Variants in TLR5 observed in about 807,000 individuals in gnomAD.
TLR5 encodes the protein toll like receptor 5, also known as toll-like receptor 5.
For missense variants in TLR5, 944 were observed against 999.8 expected, an observed-to-expected ratio of 0.94 and a Z score of 0.75; for synonymous variants, 373 against 384.4, an observed-to-expected ratio of 0.97 and a Z score of 0.35.
At chr1:223,137,461 G>A (rs2102939222) in intron 2 of TLR5, among the ~76,000 whole-genome samples, 198 bp from the exon 3 acceptor site, 1 of 152,234 alleles carries the variant, frequency 6.6e-6, no homozygotes, top group East Asian at 1.9e-4. Context: ...ATTAATTTGT[G>A]CACAGTAAAA....
chr1:223,142,660 C>T (rs1363195146), intron 1 of TLR5, among the ~76,000 whole-genome samples: 1 of 152,152 alleles, frequency 6.6e-6, no homozygotes, highest in Non-Finnish European at 1.5e-5. Flanking sequence ...GCAATATTTA[C>T]CACGGAGTCT....
At chr1:223,126,282 C>G (rs1054911540) in intron 5 of TLR5, among the ~76,000 whole-genome samples, 1 of 152,062 alleles carries the variant, frequency 6.6e-6, no homozygotes, top group African/African-American at 2.4e-5. Context: ...AATCCACTTA[C>G]AAGATATCTA....
rs1160878163 is a variant in TLR5, at chr1:223,112,878, G to A, written c.154C>T (p.Leu52=). ...PQVLNTTERL[L]LSFNYIRTVT... is the part of the protein sequence containing the mutation. ...GTCCTGATATAGTTGAAGCTCAGCA[G>A]GAGCCTCTCAGTGGTGTTGAGGACC... The change falls in exon 6 of 6, where the codon CTG becomes TTG. Residue 52 remains leucine, a synonymous_variant. Coordinates refer to ENST00000642603, the MANE Select transcript of TLR5 (RefSeq NM_003268.6). 5.0e-6 allele frequency: 8 copies of A among 1,614,030 alleles called. No individual in the cohort carries two copies. The highest frequency in any genetic ancestry group is 6.8e-6 in the Non-Finnish European group (8 of 1,180,020).
At chr1:223,138,281 G>A (rs1160862066) in intron 2 of TLR5, among the ~76,000 whole-genome samples, 1 of 151,320 alleles carries the variant, frequency 6.6e-6, no homozygotes, top group Non-Finnish European at 1.5e-5. Flanking sequence ...ATCTCCTTGT[G>A]GGTTTTGTTT....
rs530391202 is a variant in TLR5, at chr1:223,118,850, C to A, written c.-4-5815G>T. Among the ~76,000 whole-genome samples the A allele has an allele frequency of 4.0e-5, 6 of 151,824 alleles. No homozygotes were observed. The South Asian group carries it at 1.3e-3, about 32-fold the overall frequency. On this transcript the variant is annotated intron_variant, in intron 5 of 5. Transcript: ENST00000642603. ...CGGGCACGGTGGCTCACGCCTGTAA[C>A]CCCAGCACTTTGGGAGGCTGAGGCA... is the stretch of plus-strand genomic sequence containing the variant.
intron 5 of TLR5, among the ~76,000 whole-genome samples, chr1:223,120,989 G>A (rs1017125653): frequency 2.0e-5 from 3 of 152,174 alleles, no homozygotes; most frequent in Admixed American, 6.5e-5. Flanking sequence ...AGGCTGAGGT[G>A]AGAGGATAGC....
intron 5 of TLR5, 112 bp downstream of exon 5, chr1:223,132,363 G>C (rs548353349): frequency 6.6e-6 from 1 of 152,050 alleles, no homozygotes; most frequent in African/African-American, 2.4e-5. Context: ...TTATATGTAT[G>C]TATATTTGTA....
intron 2 of TLR5, among the ~76,000 whole-genome samples, chr1:223,137,822 C>T (rs1558134436): frequency 6.8e-6 from 1 of 147,300 alleles, no homozygotes; most frequent in Non-Finnish European, 1.5e-5. Flanking sequence ...TGAGCAGACC[C>T]CTCCTTCCTT....
At chr1:223,137,709 T>C (rs919950134) in intron 2 of TLR5, among the ~76,000 whole-genome samples, 3 of 152,204 alleles carry the variant, frequency 2.0e-5, no homozygotes, top group African/African-American at 7.2e-5. Context: ...GTGAACAATA[T>C]GAATATTTAT....
chr1:223,119,890 C>T (rs1656859575), intron 5 of TLR5, among the ~76,000 whole-genome samples: 2 of 146,750 alleles, frequency 1.4e-5, no homozygotes, highest in Non-Finnish European at 3.0e-5. Context: ...GCAGAGGTTG[C>T]AGTAAGCCGA....
intron 5 of TLR5, among the ~76,000 whole-genome samples, chr1:223,120,519 A>G (rs1381040314): frequency 6.6e-6 from 1 of 152,364 alleles, no homozygotes; most frequent in East Asian, 1.9e-4. Flanking sequence ...CACCTTAGGC[A>G]CATGTTCTCA....
chr1:223,119,817 C>T (rs1029593278), intron 5 of TLR5, among the ~76,000 whole-genome samples: 1 of 150,532 alleles, frequency 6.6e-6, no homozygotes, highest in Non-Finnish European at 1.5e-5. Context: ...AAAAATTAGC[C>T]GGGCGGGGTG....
intron 3 of TLR5, among the ~76,000 whole-genome samples, chr1:223,136,027 T>C (rs1657598931): frequency 6.6e-6 from 1 of 152,186 alleles, no homozygotes; most frequent in South Asian, 2.1e-4. Context: ...CTACCAGGAA[T>C]AGCCTGCAAG....
Position 223,110,801 on chromosome 1 carries a change from A to C in TLR5, c.2231T>G (p.Ile744Ser). The change falls in exon 6 of 6, where the codon ATC becomes AGC. Residue 744 changes from isoleucine to serine, a missense_variant. Ile to Ser is a moderately radical substitution (Grantham distance 142). Transcript: ENST00000642603. ...FVPGENRIANIQDAIWNSRKI... is the reference protein window; with the variant it reads ...FVPGENRIANSQDAIWNSRKI... ...TCTACTGTTCCAGATGGCATCCTGG[A>C]TATTGGCAATGCGGTTTTCTCCTGG... is the stretch of plus-strand genomic sequence containing the variant. The C allele has an allele frequency of 6.2e-7, 1 of 1,614,240 alleles. No homozygotes were observed. Among genetic ancestry groups the C allele is most frequent in the Non-Finnish European group, 8.5e-7 (1 of 1,180,036 alleles).
At chr1:223,125,230 A>C (rs1456004627) in intron 5 of TLR5, among the ~76,000 whole-genome samples, 1 of 152,234 alleles carries the variant, frequency 6.6e-6, no homozygotes, top group African/African-American at 2.4e-5. Flanking sequence ...TTTACATTCC[A>C]AAACAAGCAT....
chr1:223,111,987 C>A lies in TLR5; in HGVS notation c.1045G>T (p.Gly349Trp). The A allele has an allele frequency of 1.2e-6, 2 of 1,614,080 alleles. No homozygotes were observed. Among genetic ancestry groups the A allele is most frequent in the South Asian group, 2.2e-5 (2 of 91,068 alleles). Residue 349 changes from glycine (G) to tryptophan (W), a missense_variant, in exon 6 of 6, where the codon GGG becomes TGG. Gly to Trp is a radical substitution (Grantham distance 184, BLOSUM62 -2). Transcript: ENST00000642603. The part of the protein sequence containing the change: ...QVLNLSYNLL[G>W]ELYSSNFYGL... ...TAGAAATTCGAACTGTAAAGTTCCCCCAGAAGGTTATATGACAAATTGAGA... is the reference window on the plus strand; with the variant it reads ...TAGAAATTCGAACTGTAAAGTTCCCACAGAAGGTTATATGACAAATTGAGA...
At chr1:223,120,462 A>T (rs561777735) in intron 5 of TLR5, among the ~76,000 whole-genome samples, 236 of 152,308 alleles carry the variant, frequency 1.5e-3, no homozygotes, top group African/African-American at 5.2e-3. Context: ...AGACTGACTG[A>T]TGTCTCGTGT....
rs915881175 is a variant in TLR5 at position 223,131,517 on chromosome 1, A to G, written c.-5+958T>C. Among the ~76,000 whole-genome samples, 38 of 152,210 alleles carry G rather than the reference A, an allele frequency of 2.5e-4. No individual in the cohort carries two copies. The highest frequency in any genetic ancestry group is 8.9e-4 in the African/African-American group (37 of 41,450). On this transcript the variant is annotated intron_variant, in intron 5 of 5. Coordinates refer to ENST00000642603, the MANE Select transcript of TLR5 (RefSeq NM_003268.6). This position sits in a 1 kb window ranked among gnomAD's most constrained non-coding sequence, Gnocchi z 4.2. The stretch of plus-strand genomic sequence containing the variant: ...GGCCACCTCAGAAGCCACCTCTGCC[A>G]TGAGAATTCTACATGCACTTCTCAC...
intron 5 of TLR5, among the ~76,000 whole-genome samples, chr1:223,118,059 C>G (rs1656765520): frequency 6.6e-6 from 1 of 152,182 alleles, no homozygotes. Flanking sequence ...CCTCAGGAGA[C>G]CCTGAGAACA....
Sources: allele counts gnomAD v4.1 joint callset (sites outside exome capture counted in the v4.1 genomes callset), GRCh38; gene constraint gnomAD v4.1.1; non-coding constraint Gnocchi (gnomAD v3.1); transcripts MANE v1.5; gene names NCBI Gene and HGNC (gene_info 2026-07-23, HGNC 2026-07-21).